PPP1R13B: variants seen among roughly 807,000 people sequenced by gnomAD.
PPP1R13B encodes the protein protein phosphatase 1 regulatory subunit 13B.
A neutral mutation model predicts 119.8 loss-of-function variants in PPP1R13B; 44 were observed. The ratio of observed to expected loss-of-function variants is 0.37; its 90% CI spans 0.29 to 0.47. PPP1R13B has a LOEUF of 0.47. Ranked by LOEUF, PPP1R13B falls within the 20% of genes least tolerant of loss-of-function variation. PPP1R13B has a pLI of 0.99. For missense variants in PPP1R13B, 1,227 were observed against 1,413.5 expected (o/e 0.87, Z 2.12); for synonymous variants, 542 against 561.5 (o/e 0.97, Z 0.49).
intron 7 of PPP1R13B, 147 bp from the exon 8 acceptor site, chr14:103,750,081 A>G: frequency 1.2e-6 from 1 of 830,640 alleles, no homozygotes; most frequent in South Asian, 1.8e-5. Flanking sequence ...AATATTTCAC[A>G]GGTACAGCAG....
intron 2 of PPP1R13B, among the ~76,000 whole-genome samples, chr14:103,788,543 G>A (rs955755301): frequency 6.6e-6 from 1 of 152,092 alleles, no homozygotes; most frequent in Non-Finnish European, 1.5e-5. Context: ...TTTCTCATTA[G>A]CCAGGCATGA....
At chr14:103,844,529 A>AG (rs982061148) in intron 1 of PPP1R13B, among the ~76,000 whole-genome samples, 2 of 152,124 alleles carry the variant, frequency 1.3e-5, no homozygotes, top group Non-Finnish European at 2.9e-5. Flanking sequence ...CATGAGTTCA[A>AG]GGTCAGCCTG....
At chr14:103,744,169 A>G (rs2084330609) in intron 9 of PPP1R13B, among the ~76,000 whole-genome samples, 1 of 152,224 alleles carries the variant, frequency 6.6e-6, no homozygotes, top group African/African-American at 2.4e-5. Context: ...AACAACAGGA[A>G]GTTTTATGGA....
At chr14:103,783,014 CA>C (rs1473201408) in intron 3 of PPP1R13B, among the ~76,000 whole-genome samples, 1 of 152,050 alleles carries the variant, frequency 6.6e-6, no homozygotes, top group African/African-American at 2.4e-5. Context: ...CCATGTTGGC[CA>C]GGCTGGTCTC....
At chr14:103,744,275 T>C (rs1021182773) in intron 9 of PPP1R13B, among the ~76,000 whole-genome samples, 5 of 152,238 alleles carry the variant, frequency 3.3e-5, no homozygotes, top group African/African-American at 1.2e-4. Context: ...GGAACAATTA[T>C]CTTTTAGTAT....
At chr14:103,801,458 G>A (rs1168440791) in intron 1 of PPP1R13B, among the ~76,000 whole-genome samples, 1 of 152,050 alleles carries the variant, frequency 6.6e-6, no homozygotes, top group African/African-American at 2.4e-5. Flanking sequence ...TCTGGCAGCC[G>A]TCCCTCTGCC....
chr14:103,764,704 T>C (rs2151996193), intron 4 of PPP1R13B, among the ~76,000 whole-genome samples: 1 of 152,366 alleles, frequency 6.6e-6, no homozygotes, highest in Admixed American at 6.5e-5. Flanking sequence ...TTTTCATTTG[T>C]GAAAGTTCTG....
intron 1 of PPP1R13B, among the ~76,000 whole-genome samples, chr14:103,819,837 T>A (rs930890457): frequency 6.6e-6 from 1 of 152,108 alleles, no homozygotes; most frequent in Non-Finnish European, 1.5e-5. Flanking sequence ...AAAACAACAG[T>A]TGGTTTCTGC....
chr14:103,788,463 C>T (rs750980680), intron 2 of PPP1R13B, among the ~76,000 whole-genome samples: 5 of 152,100 alleles, frequency 3.3e-5, no homozygotes, highest in Admixed American at 6.6e-5. Context: ...AAGATTGATA[C>T]GGATGCATGT....
At chr14:103,808,937 T>C (rs1430383678) in intron 1 of PPP1R13B, among the ~76,000 whole-genome samples, 1 of 152,142 alleles carries the variant, frequency 6.6e-6, no homozygotes, top group Non-Finnish European at 1.5e-5. Context: ...GCACCAATCC[T>C]AGCTCACTGC....
chr14:103,815,556 G>C (rs1186241367), intron 1 of PPP1R13B, among the ~76,000 whole-genome samples: 1 of 151,566 alleles, frequency 6.6e-6, no homozygotes, highest in Non-Finnish European at 1.5e-5. Context: ...GGAGTTCCAA[G>C]ACCAGCCCAG....
chr14:103,780,480 T>C (rs1335747810), intron 3 of PPP1R13B, among the ~76,000 whole-genome samples: 17 of 78,256 alleles, frequency 2.2e-4, no homozygotes, highest in African/African-American at 1.1e-3. Flanking sequence ...AGTGAAACCC[T>C]GTCTCAAAAA....
intron 1 of PPP1R13B, among the ~76,000 whole-genome samples, chr14:103,839,469 A>G (rs2086853308): frequency 6.6e-6 from 1 of 151,910 alleles, no homozygotes; most frequent in Non-Finnish European, 1.5e-5. Flanking sequence ...CTCCACTAAA[A>G]ATACAAAATT....
intron 1 of PPP1R13B, among the ~76,000 whole-genome samples, chr14:103,806,229 A>G (rs2086014782): frequency 6.6e-6 from 1 of 152,170 alleles, no homozygotes; most frequent in African/African-American, 2.4e-5. Flanking sequence ...GCAAGAACTC[A>G]GCAGATAATA....
In PPP1R13B at chr14:103,734,257, C is replaced by T; in HGVS notation, c.*897G>A. 3.4e-6 allele frequency: 1 copy of T among 297,420 alleles called. No homozygotes were observed. The highest frequency in any genetic ancestry group is 3.1e-5 in the South Asian group (1 of 32,094). 18.4% of individuals were successfully genotyped at this position (297,420 alleles called of 1,614,324 possible). On this transcript the variant is annotated 3_prime_UTR_variant, in exon 17 of 17. Coordinates refer to ENST00000202556, the MANE Select transcript of PPP1R13B (RefSeq NM_015316.3). ...GGCCCCTCCTGACACCAGGCGTCTG[C>T]CATCCTTCAGGCACCAAACAGCCCC...
Position 103,847,325 on chromosome 14 carries a change from A to G in PPP1R13B, c.-18T>C. ...GGCATCATCGCGGGGAGAGTCCGCGACGCCCTCGGCCGCCGCCTGACAGGA... is the reference window on the plus strand; with the variant it reads ...GGCATCATCGCGGGGAGAGTCCGCGGCGCCCTCGGCCGCCGCCTGACAGGA... On this transcript the variant is annotated 5_prime_UTR_variant, in exon 1 of 17. Coordinates refer to ENST00000202556, the MANE Select transcript of PPP1R13B (RefSeq NM_015316.3). 1 of 1,182,428 alleles carries G rather than the reference A, an allele frequency of 8.5e-7. No individual in the cohort carries two copies. The allele number at this position is 1,182,428 out of a possible 1,614,324, so 73.2% of individuals were successfully genotyped here. A position where few individuals can be genotyped will look rare whatever the true frequency, so the allele number is the denominator to read the frequency against.
rs1488662565 is a variant in PPP1R13B, at chr14:103,738,557, A to C, written c.2864+122T>G. 2.1e-6 allele frequency: 3 copies of C among 1,430,270 alleles called. No individual in the cohort carries two copies. 88.6% of individuals were successfully genotyped at this position (1,430,270 alleles called of 1,614,324 possible). ...GCAACAGCTGTCTTTCAAGGATGAA[A>C]TGATGGGTGTTCTTGCTCTAATTCT... On this transcript the variant is annotated intron_variant, in intron 14 of 16. Coordinates refer to ENST00000202556, the MANE Select transcript of PPP1R13B (RefSeq NM_015316.3). This position sits in a 1 kb window ranked among gnomAD's most constrained non-coding sequence, Gnocchi z 5.6.
chr14:103,788,055 G>A (rs2085513991), intron 2 of PPP1R13B, among the ~76,000 whole-genome samples: 1 of 151,522 alleles, frequency 6.6e-6, no homozygotes, highest in Non-Finnish European at 1.5e-5. Flanking sequence ...TGAAGCTGCA[G>A]TAAGCCATGA....
chr14:103,750,228 A>G (rs1595722432), intron 7 of PPP1R13B, among the ~76,000 whole-genome samples: 1 of 152,174 alleles, frequency 6.6e-6, no homozygotes, highest in East Asian at 1.9e-4. Flanking sequence ...CTCAGAAACT[A>G]AAGGATGCTC....
Sources: gnomAD v4.1 joint callset for allele counts (sites outside exome capture counted in the v4.1 genomes callset) on GRCh38, gnomAD v4.1.1 for gene constraint, Gnocchi (gnomAD v3.1) non-coding constraint, MANE v1.5 for transcripts, NCBI Gene and HGNC (gene_info 2026-07-23, HGNC 2026-07-21) for gene names.